Variants in RANBP2 observed in about 807,000 individuals in gnomAD.
RANBP2 encodes the protein E3 SUMO-protein ligase RanBP2.
In RANBP2, 57 loss-of-function variants were observed where a neutral mutation model predicts 303.6. That is an observed-to-expected ratio of 0.19 (90% confidence interval 0.15 to 0.23). RANBP2 has a LOEUF of 0.23. RANBP2 is among the 10% of genes least tolerant of loss of function. The pLI is 1.00. For synonymous variants in RANBP2, 1,167 were observed against 1,301.5 expected (o/e 0.90, Z 2.23); for missense variants, 3,138 against 3,780.8 (o/e 0.83, Z 4.46).
At chr2:108,983,618 G>C in the RANBP2 span, among the ~76,000 whole-genome samples, 1 of 152,154 alleles carries the variant, frequency 6.6e-6, no homozygotes, top group Non-Finnish European at 1.5e-5. Flanking sequence ...GGAGTTCCCA[G>C]AGACAGGTAT....
chr2:109,524,466 A>AAAAAAAAAAAAAAAAAC, the RANBP2 span, among the ~76,000 whole-genome samples: 1 of 82,968 alleles, frequency 1.2e-5, no homozygotes, highest in African/African-American at 4.8e-5. Context: ...AAAAAAAAAA[A>AAAAAAAAAAAAAAAAAC]CAAAACAACA....
At chr2:108,879,546 A>G in the RANBP2 span, among the ~76,000 whole-genome samples, 725 of 152,342 alleles carry the variant, frequency 4.8e-3, 7 homozygotes, top group South Asian at 0.023. Context: ...TTAATCCATG[A>G]TTAAGTAGGG....
At chr2:109,760,948 C>T in the RANBP2 span, among the ~76,000 whole-genome samples, 4 of 129,770 alleles carry the variant, frequency 3.1e-5, no homozygotes, top group East Asian at 1.0e-3. Context: ...GATGCGTGGC[C>T]GCCTGCCTGT....
chr2:108,772,689 G>A (rs1677592932), intron 22 of RANBP2, 108 bp downstream of exon 22: 2 of 1,290,382 alleles, frequency 1.5e-6, no homozygotes, highest in Non-Finnish European at 1.1e-6. Context: ...GATGCCCATG[G>A]TGATTTAAAA....
the RANBP2 span, chr2:108,794,810 T>A: frequency 1.0e-6 from 1 of 994,764 alleles, no homozygotes; most frequent in Non-Finnish European, 1.5e-6. Flanking sequence ...TATATTTCAT[T>A]TTAATTACTT....
chr2:109,008,938 G>T, the RANBP2 span, among the ~76,000 whole-genome samples: 1 of 150,912 alleles, frequency 6.6e-6, no homozygotes, highest in Non-Finnish European at 1.5e-5. Flanking sequence ...AAAATTCCAT[G>T]GATAGTTACC....
the RANBP2 span, chr2:109,543,888 C>G: frequency 2.5e-6 from 1 of 407,312 alleles, no homozygotes; most frequent in Non-Finnish European, 4.4e-6. Context: ...ACAACGGGAC[C>G]CGACTCTAAT....
chr2:109,523,754 G>A, the RANBP2 span, among the ~76,000 whole-genome samples: 7,106 of 152,090 alleles, frequency 0.047, 560 homozygotes, highest in African/African-American at 0.16. Context: ...GAACTGCCTG[G>A]GTACAGTCTC....
chr2:108,817,205 T>A, the RANBP2 span, among the ~76,000 whole-genome samples: 7 of 152,298 alleles, frequency 4.6e-5, no homozygotes, highest in South Asian at 1.4e-3. Context: ...CCAGAAGGAT[T>A]CAGAAGAGTA....
At chr2:109,003,413 C>T in the RANBP2 span, among the ~76,000 whole-genome samples, 2 of 150,862 alleles carry the variant, frequency 1.3e-5, no homozygotes, top group Non-Finnish European at 3.0e-5. Context: ...AATTTTTTTT[C>T]TTCTTTTTTT....
chr2:109,533,322 A>G, the RANBP2 span, among the ~76,000 whole-genome samples: 1 of 152,260 alleles, frequency 6.6e-6, no homozygotes, highest in African/African-American at 2.4e-5. Context: ...GAGGAACAGC[A>G]GGACGTCTGT....
chr2:108,893,630 G>A, the RANBP2 span, among the ~76,000 whole-genome samples: 8 of 151,898 alleles, frequency 5.3e-5, no homozygotes, highest in East Asian at 1.2e-3. Context: ...GTCATGGAAG[G>A]CCAGGAAAGA....
the RANBP2 span, among the ~76,000 whole-genome samples, chr2:109,152,041 C>T: frequency 5.3e-5 from 8 of 152,368 alleles, no homozygotes; most frequent in Middle Eastern, 6.8e-3. Context: ...GTTATTACTT[C>T]TCTGACAAGT....
the RANBP2 span, among the ~76,000 whole-genome samples, chr2:108,838,139 G>T: frequency 6.6e-6 from 1 of 152,024 alleles, no homozygotes. Context: ...AGAGAATATT[G>T]CCTCCTGGGA....
At chr2:109,375,370 T>C in the RANBP2 span, among the ~76,000 whole-genome samples, 1 of 152,216 alleles carries the variant, frequency 6.6e-6, no homozygotes, top group African/African-American at 2.4e-5. Flanking sequence ...TGACACCTGT[T>C]CATCAGATGC....
the RANBP2 span, among the ~76,000 whole-genome samples, chr2:108,972,000 G>C: frequency 6.6e-6 from 1 of 152,300 alleles, no homozygotes; most frequent in Admixed American, 6.5e-5. Flanking sequence ...GCCTCCTGCC[G>C]CAGCCACTTG....
the RANBP2 span, among the ~76,000 whole-genome samples, chr2:109,521,156 T>C: frequency 6.7e-6 from 1 of 150,334 alleles, no homozygotes; most frequent in African/African-American, 2.5e-5. Flanking sequence ...AGGCGGAGCT[T>C]GCAGTGAGCC....
chr2:109,654,798 A>G, the RANBP2 span, among the ~76,000 whole-genome samples: 1 of 152,176 alleles, frequency 6.6e-6, no homozygotes, highest in Admixed American at 6.5e-5. Flanking sequence ...GGAATGGGGC[A>G]CACAGTTTGC....
chr2:108,786,758 G>A, downstream of RANBP2: 1 of 1,445,532 alleles, frequency 6.9e-7, no homozygotes, highest in Non-Finnish European at 9.5e-7. Flanking sequence ...ACGCACTGCG[G>A]CCGCGTAGCG....
Sources: allele counts gnomAD v4.1 joint callset (sites outside exome capture counted in the v4.1 genomes callset), GRCh38; gene constraint gnomAD v4.1.1; transcripts MANE v1.5; gene names NCBI Gene and HGNC (gene_info 2026-07-23, HGNC 2026-07-21).